Variants in FRMD4B observed in about 807,000 individuals in gnomAD.
FRMD4B encodes FERM domain-containing protein 4B.
In FRMD4B, 74 loss-of-function variants were observed where a neutral mutation model predicts 141.5. The ratio of observed to expected loss-of-function variants is 0.52; its 90% confidence interval spans 0.43 to 0.63. The LOEUF (loss-of-function observed/expected upper bound fraction) is 0.63, where lower values mean the gene tolerates loss of function less well. FRMD4B is among the 30% of genes least tolerant of loss of function. FRMD4B has a pLI of 0.00. For synonymous variants in FRMD4B, 506 were observed against 467.9 expected (o/e 1.08, Z -1.05); for missense variants, 1,366 against 1,253.4 (o/e 1.09, Z -1.36).
At chr3:69,264,959 A>C (rs2093551176) in intron 5 of FRMD4B, among the ~76,000 whole-genome samples, 1 of 152,038 alleles carries the variant, frequency 6.6e-6, no homozygotes, top group African/African-American at 2.4e-5. Flanking sequence ...GGATAATACA[A>C]ATATACAGAT....
At chr3:69,182,461 A>G in intron 20 of FRMD4B, 137 bp downstream of exon 20, 1 of 734,198 alleles carries the variant, frequency 1.4e-6, no homozygotes, top group Non-Finnish European at 2.1e-6. Flanking sequence ...ACCATAAGTT[A>G]GCAGAAAATG....
chr3:69,187,402 G>A (rs1386648311), intron 19 of FRMD4B, among the ~76,000 whole-genome samples: 2 of 151,514 alleles, frequency 1.3e-5, no homozygotes, highest in Non-Finnish European at 2.9e-5. Flanking sequence ...AAAATTAGCT[G>A]GGTGTGGTGG....
At chr3:69,234,756 C>G (rs1559740230) in intron 7 of FRMD4B, among the ~76,000 whole-genome samples, 1 of 152,208 alleles carries the variant, frequency 6.6e-6, no homozygotes, top group African/African-American at 2.4e-5. Context: ...TCAGGCTCCA[C>G]CCCAGACCTA....
At chr3:69,187,110 T>C (rs1008960253) in intron 19 of FRMD4B, among the ~76,000 whole-genome samples, 1 of 152,180 alleles carries the variant, frequency 6.6e-6, no homozygotes, top group Non-Finnish European at 1.5e-5. Context: ...TTAACGACAA[T>C]TTCCTTAGAC....
chr3:69,394,453 T>C (rs1301206523), intron 2 of FRMD4B, among the ~76,000 whole-genome samples: 1 of 152,200 alleles, frequency 6.6e-6, no homozygotes, highest in Non-Finnish European at 1.5e-5. Context: ...TGACAAAAAG[T>C]CCACCCTTTG....
At chr3:69,203,320 CAAAAAAAA>C (rs796607832) in intron 11 of FRMD4B, among the ~76,000 whole-genome samples, 64 of 107,906 alleles carry the variant, frequency 5.9e-4, no homozygotes, top group African/African-American at 2.1e-3. Flanking sequence ...CAAACTTCAG[CAAAAAAAA>C]AAAAAAAAAA....
In FRMD4B at chr3:69,414,074, T is replaced by C. The variant is rs1331717930; in HGVS notation, c.-1+18560A>G. ...TATGGCATGTTCCTCAAAACACATATGTTCCCATCTCCAGAAGGAAACTAG... is the reference window on the plus strand; with the variant it reads ...TATGGCATGTTCCTCAAAACACATACGTTCCCATCTCCAGAAGGAAACTAG... On this transcript the variant is annotated intron_variant, in intron 2 of 5. Coordinates refer to the FRMD4B transcript ENST00000459638. Among the ~76,000 whole-genome samples the C allele has an allele frequency of 3.3e-5, 5 of 152,314 alleles. No individual in the cohort carries two copies. The East Asian group carries it at 7.7e-4, about 24-fold the overall frequency.
chr3:69,195,498 T>A lies in FRMD4B; in HGVS notation c.1235-134A>T. 4.3e-6 allele frequency: 3 copies of A among 705,566 alleles called. No individual in the cohort carries two copies. The East Asian group carries it at 8.9e-5, about 21-fold the overall frequency. 43.7% of individuals were successfully genotyped at this position (705,566 alleles called of 1,614,324 possible). ...CTTTTCTCCTTGTTTCTCAACATAA[T>A]AAAAGGAAACTGGAAAACATTTTCT... On this transcript the variant is annotated intron_variant, in intron 14 of 22. Transcript: ENST00000398540.
intron 1 of FRMD4B, among the ~76,000 whole-genome samples, chr3:69,498,406 T>C (rs973759943): frequency 8.5e-5 from 13 of 152,170 alleles, no homozygotes; most frequent in Admixed American, 2.6e-4. Flanking sequence ...TTTGAATGAT[T>C]TGAATGGATT....
chr3:69,518,703 G>T (rs1479193882), intron 1 of FRMD4B, among the ~76,000 whole-genome samples: 1 of 152,172 alleles, frequency 6.6e-6, no homozygotes, highest in Admixed American at 6.5e-5. Context: ...TTGGAACAAG[G>T]ATTTTGAAGG....
chr3:69,453,171 A>T (rs746948728), intron 1 of FRMD4B, among the ~76,000 whole-genome samples: 1 of 152,194 alleles, frequency 6.6e-6, no homozygotes. Context: ...AGATGAAGAG[A>T]TGGGCTTGAG....
chr3:69,393,969 A>C (rs1412316017), intron 2 of FRMD4B, among the ~76,000 whole-genome samples: 2 of 152,204 alleles, frequency 1.3e-5, no homozygotes, highest in African/African-American at 4.8e-5. Context: ...TCCTTTAATT[A>C]AGAGACAAAA....
At chr3:69,463,233 C>T (rs1705731985) in intron 1 of FRMD4B, among the ~76,000 whole-genome samples, 1 of 152,220 alleles carries the variant, frequency 6.6e-6, no homozygotes, top group Non-Finnish European at 1.5e-5. Context: ...TGATTTATTT[C>T]AGTATCAAGC....
chr3:69,518,145 C>A (rs988674345), intron 1 of FRMD4B, among the ~76,000 whole-genome samples: 1 of 152,034 alleles, frequency 6.6e-6, no homozygotes, highest in African/African-American at 2.4e-5. Context: ...TAAAGATATT[C>A]TTTATCTTGA....
In FRMD4B at chr3:69,377,343, A is replaced by C. The variant is rs1487309975; in HGVS notation, c.162+8485T>G. ...CTGTTGTGGTCCAATCCCTTGAAAA[A>C]AGTGTAGCAAGCAGTCAGGAGACCT... On this transcript the variant is annotated intron_variant, in intron 1 of 22. Transcript: ENST00000398540. Among the ~76,000 whole-genome samples the C allele has an allele frequency of 3.3e-5, 5 of 152,224 alleles. No homozygotes were observed. The South Asian group carries it at 1.0e-3, about 32-fold the overall frequency.
At chr3:69,495,501 C>A (rs1201011748) in intron 1 of FRMD4B, among the ~76,000 whole-genome samples, 1 of 152,194 alleles carries the variant, frequency 6.6e-6, no homozygotes, top group East Asian at 1.9e-4. Context: ...TCGTTGGCTT[C>A]ACTTTCTTCT....
At chr3:69,270,933 T>C (rs1186063688) in intron 5 of FRMD4B, among the ~76,000 whole-genome samples, 3 of 152,208 alleles carry the variant, frequency 2.0e-5, no homozygotes, top group Admixed American at 1.3e-4. Flanking sequence ...CTGAAAAATA[T>C]ATATTATGAA....
chr3:69,218,299 CT>C, intron 10 of FRMD4B, 22 bp downstream of exon 10: 1 of 1,291,924 alleles, frequency 7.7e-7, no homozygotes, highest in Middle Eastern at 1.9e-4. Context: ...ATCACGAAAG[CT>C]TTGTCATGTA....
chr3:69,219,069 G>A (rs2093168710), intron 9 of FRMD4B, among the ~76,000 whole-genome samples: 1 of 150,690 alleles, frequency 6.6e-6, no homozygotes, highest in South Asian at 2.1e-4. Context: ...GGAGGCTGAG[G>A]CAGGAGAATT....
Sources: allele counts gnomAD v4.1 joint callset (sites outside exome capture counted in the v4.1 genomes callset), GRCh38; gene constraint gnomAD v4.1.1; transcripts MANE v1.5; gene names NCBI Gene and HGNC (gene_info 2026-07-23, HGNC 2026-07-21).